DPP6: variants seen among roughly 807,000 people sequenced by gnomAD.
DPP6 encodes A-type potassium channel modulatory protein DPP6.
Under a neutral mutation model 122.6 loss-of-function variants are expected in DPP6, and 69 were observed. The observed-to-expected ratio is 0.56, with a 90% CI of 0.46 to 0.69. DPP6 has a LOEUF of 0.69. Among genes scored for constraint, DPP6 ranks in the 30% least tolerant of loss-of-function variants. The pLI is 0.00. For synonymous variants in DPP6, 418 were observed against 433.1 expected (o/e 0.97, Z 0.43); for missense variants, 928 against 1,116.9 (o/e 0.83, Z 2.41).
chr7:154,272,488 A>C (rs182420246), intron 1 of DPP6, among the ~76,000 whole-genome samples: 38 of 152,264 alleles, frequency 2.5e-4, no homozygotes, highest in African/African-American at 8.4e-4. Context: ...CTTGCTACTA[A>C]AATTTCACCT....
chr7:154,545,032 A>T (rs534034395), intron 4 of DPP6, among the ~76,000 whole-genome samples: 2 of 152,332 alleles, frequency 1.3e-5, no homozygotes, highest in African/African-American at 4.8e-5. Context: ...AGTGAGGCAG[A>T]GGCATCCAGA....
At chr7:153,920,421 G>A (rs74551952) in intron 1 of DPP6, among the ~76,000 whole-genome samples, 2 of 152,272 alleles carry the variant, frequency 1.3e-5, no homozygotes, top group East Asian at 3.9e-4. Flanking sequence ...CTAAAAGGAA[G>A]AAAGAGAGAA....
At chr7:153,801,323 A>G in the DPP6 span, among the ~76,000 whole-genome samples, 3 of 150,334 alleles carry the variant, frequency 2.0e-5, no homozygotes, top group Non-Finnish European at 3.0e-5. Flanking sequence ...ATGACCATCC[A>G]TCCTCACAAC....
rs543564244 is a variant in DPP6, at chr7:154,868,920, G to A, written c.1813+827G>A. On this transcript the variant is annotated intron_variant, in intron 18 of 25. Coordinates refer to ENST00000377770, the MANE Select transcript of DPP6 (RefSeq NM_130797.4). ...AGCCTTTTGGTGGTAAGTTGGTGTC[G>A]AATAACTGAGACTTCAAACCTTGAA... Among the ~76,000 whole-genome samples, 7 of 152,264 alleles carry A rather than the reference G, an allele frequency of 4.6e-5. 1 individual carries two copies. The highest frequency in any genetic ancestry group is 3.9e-4 in the Admixed American group (6 of 15,298).
At chr7:154,619,543 C>T (rs899997705) in intron 5 of DPP6, among the ~76,000 whole-genome samples, 1 of 152,134 alleles carries the variant, frequency 6.6e-6, no homozygotes, top group African/African-American at 2.4e-5. Context: ...GCCAGGGAGG[C>T]TAGTGTATTT....
intron 10 of DPP6, among the ~76,000 whole-genome samples, chr7:154,792,092 G>T (rs1206190926): frequency 6.6e-6 from 1 of 152,222 alleles, no homozygotes; most frequent in African/African-American, 2.4e-5. Context: ...TAGCATGAAG[G>T]ACATAGAGGG....
chr7:154,058,485 G>T (rs1342644577), intron 1 of DPP6: 1 of 140,032 alleles, frequency 7.1e-6, no homozygotes, highest in African/African-American at 2.7e-5. Context: ...TAGGGGGGGG[G>T]AGGCACCCTC....
At chr7:154,187,253 A>T (rs1218862077) in intron 1 of DPP6, among the ~76,000 whole-genome samples, 1 of 152,176 alleles carries the variant, frequency 6.6e-6, no homozygotes, top group African/African-American at 2.4e-5. Flanking sequence ...GTCTCTATTT[A>T]TTTATATATT....
chr7:153,856,630 G>T, the DPP6 span, among the ~76,000 whole-genome samples: 22 of 152,336 alleles, frequency 1.4e-4, no homozygotes, highest in Middle Eastern at 6.8e-3. Context: ...CTATGGGGCA[G>T]TTTACTGTGA....
rs182467788 is a variant in DPP6, at chr7:154,639,809, G to C, written c.680+1936G>C. 4.5e-3 allele frequency among the ~76,000 whole-genome samples: 689 copies of C among 152,292 alleles called. 4 individuals are homozygous for C. Among genetic ancestry groups the C allele is most frequent in the Middle Eastern group, 0.02 (6 of 294 alleles). On this transcript the variant is annotated intron_variant, in intron 6 of 25. Transcript: ENST00000377770. ...AATAATGCCCCTGGTTTATTGGTTA[G>C]CTTTCATATACCTTTATCCCTGTTC... is the stretch of plus-strand genomic sequence containing the variant.
At chr7:154,185,937 G>C (rs1798332574) in intron 1 of DPP6, among the ~76,000 whole-genome samples, 1 of 152,300 alleles carries the variant, frequency 6.6e-6, no homozygotes, top group South Asian at 2.1e-4. Context: ...TTTCTTCTGA[G>C]TAAGCAAGAA....
intron 1 of DPP6, among the ~76,000 whole-genome samples, chr7:154,335,815 T>C (rs1386160852): frequency 2.0e-5 from 3 of 152,094 alleles, no homozygotes; most frequent in East Asian, 1.9e-4. Context: ...TTGCTGGTGC[T>C]GCATGGGATG....
At chr7:154,747,037 T>C (rs146065956) in intron 8 of DPP6, among the ~76,000 whole-genome samples, 184 of 152,234 alleles carry the variant, frequency 1.2e-3, no homozygotes, top group African/African-American at 1.0e-3. Context: ...AATAAAAACA[T>C]TGGAGGAAGG....
chr7:153,957,322 A>G (rs549355656), intron 1 of DPP6, among the ~76,000 whole-genome samples: 2 of 152,312 alleles, frequency 1.3e-5, no homozygotes, highest in East Asian at 3.9e-4. Flanking sequence ...GCAAGTCCAC[A>G]GACTGTCTGC....
At position 154,148,004 on chromosome 7, in the gene DPP6, G is replaced by C. The variant is rs187957650; in HGVS notation, c.243+94941G>C. ...TTACTTCCCACTCCCGATCACACTTGTCCCAGGTGGATCACGTCCGAGACC... is the reference window on the plus strand; with the variant it reads ...TTACTTCCCACTCCCGATCACACTTCTCCCAGGTGGATCACGTCCGAGACC... On this transcript the variant is annotated intron_variant, in intron 1 of 25. Coordinates refer to ENST00000377770, the MANE Select transcript of DPP6 (RefSeq NM_130797.4). 3.8e-4 allele frequency among the ~76,000 whole-genome samples: 57 copies of C among 150,752 alleles called. 2 individuals are homozygous for C. Among genetic ancestry groups the C allele is most frequent in the Middle Eastern group, 3.4e-3 (1 of 294 alleles).
intron 1 of DPP6, among the ~76,000 whole-genome samples, chr7:154,358,108 T>G (rs542404367): frequency 6.6e-6 from 1 of 152,282 alleles, no homozygotes; most frequent in South Asian, 2.1e-4. Context: ...TTTATGATAA[T>G]CAGTCTAGAG....
intron 6 of DPP6, among the ~76,000 whole-genome samples, chr7:154,640,435 G>T (rs550519930): frequency 1.3e-5 from 2 of 149,370 alleles, no homozygotes; most frequent in Admixed American, 1.3e-4. Context: ...CAAAGTCAGT[G>T]TCCCACCCTG....
chr7:154,168,578 C>A (rs12538153), intron 1 of DPP6, among the ~76,000 whole-genome samples: 9,294 of 152,234 alleles, frequency 0.061, 325 homozygotes, highest in Non-Finnish European at 0.083. Flanking sequence ...CACAGCAGAT[C>A]TCAGGGCTGA....
chr7:153,860,580 T>G, the DPP6 span, among the ~76,000 whole-genome samples: 2 of 151,846 alleles, frequency 1.3e-5, no homozygotes, highest in African/African-American at 4.8e-5. Flanking sequence ...GAAGGGGGAA[T>G]GCCTTCCCAA....
Sources: gnomAD v4.1 joint callset for allele counts (sites outside exome capture counted in the v4.1 genomes callset) on GRCh38, gnomAD v4.1.1 for gene constraint, MANE v1.5 for transcripts, NCBI Gene and HGNC (gene_info 2026-07-23, HGNC 2026-07-21) for gene names.